Variants in KLRK1 observed in about 807,000 individuals in gnomAD.
KLRK1 encodes NKG2-D type II integral membrane protein.
A neutral mutation model predicts 31.3 loss-of-function variants in KLRK1; 40 were observed. The observed-to-expected ratio is 1.28, with a 90% CI of 0.99 to 1.67. The LOEUF (loss-of-function observed/expected upper bound fraction) is 1.67. KLRK1 is among the 40% of genes most tolerant of loss of function. The probability of loss-of-function intolerance (pLI) is 0.00; values close to 1 mark genes in which losing one functional copy is unlikely to be tolerated. For missense variants in KLRK1, 251 were observed against 260.0 expected, an observed-to-expected ratio of 0.97 and a Z score of 0.24; for synonymous variants, 77 against 77.3, an observed-to-expected ratio of 1.00 and a Z score of 0.02.
chr12:10,386,954 G>A lies in KLRK1; in HGVS notation c.97C>T (p.Arg33Ter), dbSNP rs1316959170. 6 of 1,610,974 alleles carry A rather than the reference G, an allele frequency of 3.7e-6. No homozygotes were observed. The African/African-American group carries it at 4.0e-5, about 11-fold the overall frequency. ...LDLKKSDFST[R>*]WQKQRCPVVK... ...ACTGGACATCTTTGCTTTTGCCATC[G>A]TGTTGAAAAATCACTCTTCTTCAGA... The change falls in exon 3 of 8, where the codon CGA becomes TGA. Residue 33 changes from arginine (R) to a stop codon, truncating the protein, a stop_gained. Transcript: ENST00000240618. LOFTEE classifies it high-confidence loss of function.
At chr12:10,379,259 G>T (rs1591581452) in intron 5 of KLRK1, 188 bp downstream of exon 5, 10 of 178,932 alleles carry the variant, frequency 5.6e-5, no homozygotes, top group East Asian at 2.6e-4. Flanking sequence ...GAAAGATGAT[G>T]TCAAACCTAA....
At chr12:10,388,083 G>A (rs2137822193) in intron 2 of KLRK1, among the ~76,000 whole-genome samples, 1 of 151,938 alleles carries the variant, frequency 6.6e-6, no homozygotes, top group South Asian at 2.1e-4. Context: ...ATGTCACGGG[G>A]GTTTGTTGTA....
At chr12:10,379,090 T>C (rs1025172237) in intron 5 of KLRK1, 10 of 183,078 alleles carry the variant, frequency 5.5e-5, no homozygotes, top group Non-Finnish European at 1.1e-5. Context: ...GAGGTAGAGG[T>C]TGCAGTCCCA....
intron 2 of KLRK1, among the ~76,000 whole-genome samples, chr12:10,387,490 T>A: frequency 6.6e-6 from 1 of 151,102 alleles, no homozygotes; most frequent in East Asian, 1.9e-4. Flanking sequence ...AAAAATAAAA[T>A]AAAAATATAA....
chr12:10,374,888 G>A (rs1565490751), intron 7 of KLRK1, among the ~76,000 whole-genome samples: 1 of 152,138 alleles, frequency 6.6e-6, no homozygotes. Flanking sequence ...CCTGGAAATT[G>A]TGCAGTAATC....
intron 7 of KLRK1, among the ~76,000 whole-genome samples, chr12:10,377,446 A>G (rs1862987640): frequency 6.6e-6 from 1 of 152,226 alleles, no homozygotes; most frequent in African/African-American, 2.4e-5. Context: ...ATGAAGAGAT[A>G]AAAGGAAATT....
intron 7 of KLRK1, among the ~76,000 whole-genome samples, chr12:10,375,386 T>G (rs999570528): frequency 4.6e-5 from 7 of 152,192 alleles, no homozygotes; most frequent in Non-Finnish European, 7.4e-5. Context: ...TTTAACATGT[T>G]AAGATTCTGT....
At chr12:10,383,009 G>C (rs1197779047) in intron 3 of KLRK1, among the ~76,000 whole-genome samples, 1 of 151,944 alleles carries the variant, frequency 6.6e-6, no homozygotes, top group African/African-American at 2.4e-5. Flanking sequence ...ACCTATAATA[G>C]ATACACTAAA....
chr12:10,386,972 T>C lies in KLRK1; in HGVS notation c.79A>G (p.Lys27Glu). The C allele has an allele frequency of 3.7e-6, 6 of 1,611,750 alleles. No homozygotes were observed. The highest frequency in any genetic ancestry group is 5.1e-6 in the Non-Finnish European group (6 of 1,178,920). ...EFHNYNLDLK[K>E]SDFSTRWQKQ... ...TGCCATCGTGTTGAAAAATCACTCT[T>C]CTTCAGATCCAAGTTATAATTATGA... Residue 27 changes from lysine (K) to glutamate (E), a missense_variant, in exon 3 of 8, where the codon AAG (lysine) becomes GAG (glutamate). Coordinates refer to ENST00000240618, the MANE Select transcript of KLRK1 (RefSeq NM_007360.4).
At chr12:10,379,023 T>G in intron 5 of KLRK1, 6 of 199,914 alleles carry the variant, frequency 3.0e-5, no homozygotes, top group Non-Finnish European at 6.0e-5. Flanking sequence ...GTGTGGTGGC[T>G]CACGCCTGCA....
At chr12:10,385,156 A>G (rs1416898352) in intron 3 of KLRK1, among the ~76,000 whole-genome samples, 1 of 152,036 alleles carries the variant, frequency 6.6e-6, no homozygotes, top group African/African-American at 2.4e-5. Context: ...GTAAATTAGT[A>G]TAGCCATTAT....
At chr12:10,389,113 C>A in intron 1 of KLRK1, 1 of 333,812 alleles carries the variant, frequency 3.0e-6, no homozygotes, top group African/African-American at 2.1e-5. Context: ...TATTAATTCA[C>A]CTACATTGAG....
At position 10,373,026 on chromosome 12, in the gene KLRK1, G is replaced by T; in HGVS notation, c.*88C>A. 3 of 1,192,628 alleles carry T rather than the reference G, an allele frequency of 2.5e-6. No homozygotes were observed. Among genetic ancestry groups the T allele is most frequent in the Admixed American group, 2.2e-5 (1 of 46,488 alleles). 73.9% of individuals were successfully genotyped at this position (1,192,628 alleles called of 1,614,324 possible). On this transcript the variant is annotated 3_prime_UTR_variant, in exon 8 of 8. Transcript: ENST00000240618. Reference sequence around the variant, plus strand: ...TCTTTGGTCATTTTGTCCTGTTTTTGTTTGTTTCCTTTAGTCTCAGTTGGC... The same window carrying T: ...TCTTTGGTCATTTTGTCCTGTTTTTTTTTGTTTCCTTTAGTCTCAGTTGGC...
intron 1 of KLRK1, among the ~76,000 whole-genome samples, chr12:10,389,338 CCAACGTGCCCATAT>C (rs1863231269): frequency 4.6e-5 from 7 of 152,130 alleles, no homozygotes; most frequent in Non-Finnish European, 1.0e-4. Flanking sequence ...GCATTTTAAT[CCAACGTGCCCATAT>C]CATCATCATC....
intron 7 of KLRK1, among the ~76,000 whole-genome samples, chr12:10,374,289 A>G (rs1230043216): frequency 6.6e-6 from 1 of 152,130 alleles, no homozygotes; most frequent in African/African-American, 2.4e-5. Context: ...CTGGGATTAC[A>G]GGTGTGAGCC....
chr12:10,383,553 A>AG (rs1308167465), intron 3 of KLRK1, among the ~76,000 whole-genome samples: 1 of 152,110 alleles, frequency 6.6e-6, no homozygotes. Context: ...CAATAAGGGC[A>AG]GGGGAGTTCA....
intron 3 of KLRK1, among the ~76,000 whole-genome samples, chr12:10,385,832 A>T (rs1863157701): frequency 6.6e-6 from 1 of 152,034 alleles, no homozygotes; most frequent in Non-Finnish European, 1.5e-5. Flanking sequence ...TTTGGTCATT[A>T]GACATTGTAT....
Position 10,373,276 on chromosome 12 carries a change from G to A in KLRK1, c.534-45C>T, listed in dbSNP as rs199620263. On this transcript the variant is annotated intron_variant, in intron 7 of 7. Transcript: ENST00000240618. Reference sequence around the variant, plus strand: ...AAATTACATACATGATTTTATTAACGCGGGAAAATAAAAATGAATCATACC... The same window carrying A: ...AAATTACATACATGATTTTATTAACACGGGAAAATAAAAATGAATCATACC... The A allele has an allele frequency of 1.4e-3, 2,013 of 1,479,000 alleles. 16 individuals are homozygous for A. The African/African-American group carries it at 0.019, about 14-fold the overall frequency. 91.6% of individuals were successfully genotyped at this position (1,479,000 alleles called of 1,614,324 possible).
At chr12:10,380,340 C>G (rs1323739363) in intron 3 of KLRK1, among the ~76,000 whole-genome samples, 1 of 152,140 alleles carries the variant, frequency 6.6e-6, no homozygotes, top group Admixed American at 6.5e-5. Flanking sequence ...GCTGGGATTA[C>G]AGGCGTGAGC....
Sources: allele counts gnomAD v4.1 joint callset (sites outside exome capture counted in the v4.1 genomes callset), GRCh38; gene constraint gnomAD v4.1.1; transcripts MANE v1.5; gene names NCBI Gene and HGNC (gene_info 2026-07-23, HGNC 2026-07-21).